CTNNA2: variants seen among roughly 807,000 people sequenced by gnomAD.
CTNNA2 encodes the protein catenin alpha 2, also known as catenin alpha-2.
Under a neutral mutation model 101.0 loss-of-function variants are expected in CTNNA2, and 42 were observed. The observed-to-expected ratio is 0.42, with a 90% CI of 0.32 to 0.54. CTNNA2 has a LOEUF of 0.54. Among genes scored for constraint, CTNNA2 ranks in the 20% least tolerant of loss-of-function variants. The pLI, the probability that CTNNA2 is intolerant of heterozygous loss-of-function variation, is 0.14. For missense variants in CTNNA2, 871 were observed against 1,223.1 expected (o/e 0.71, Z 4.29); for synonymous variants, 450 against 456.4 (o/e 0.99, Z 0.18).
chr2:79,746,294 A>G (rs1446532639), intron 3 of CTNNA2, among the ~76,000 whole-genome samples: 1 of 152,180 alleles, frequency 6.6e-6, no homozygotes, highest in Non-Finnish European at 1.5e-5. Flanking sequence ...TTCTTTATAT[A>G]GTCTGGATAT....
intron 8 of CTNNA2, among the ~76,000 whole-genome samples, chr2:80,404,707 C>CTT (rs1292355544): frequency 1.3e-5 from 2 of 152,180 alleles, no homozygotes; most frequent in African/African-American, 4.8e-5. Flanking sequence ...ATGGGTCTTC[C>CTT]CAGGGCAAGA....
chr2:80,594,106 C>G (rs1395009596), intron 15 of CTNNA2, among the ~76,000 whole-genome samples: 1 of 152,244 alleles, frequency 6.6e-6, no homozygotes, highest in East Asian at 1.9e-4. Context: ...CACAAGTGTT[C>G]AAATTTTTCC....
intron 9 of CTNNA2, among the ~76,000 whole-genome samples, chr2:80,446,870 A>T (rs1683116909): frequency 6.6e-6 from 1 of 152,124 alleles, no homozygotes; most frequent in South Asian, 2.1e-4. Context: ...AAATTTTTTC[A>T]GCAGAAAATA....
At chr2:79,562,766 C>T (rs1674858034) in intron 1 of CTNNA2, among the ~76,000 whole-genome samples, 1 of 151,958 alleles carries the variant, frequency 6.6e-6, no homozygotes, top group African/African-American at 2.4e-5. Flanking sequence ...GAAACTTGCT[C>T]TGTTGAACAG....
rs187415071 is a variant in CTNNA2, at chr2:80,560,664, C to T, written c.1741+4771C>T. ...GCTGCTCCCTCTGTCCTCCCTGCAA[C>T]GTTCTTCATCTCCTCCTCCTCCTGC... On this transcript the variant is annotated intron_variant, in intron 12 of 18. Transcript: ENST00000402739. Among the ~76,000 whole-genome samples, 361 of 152,284 alleles carry T rather than the reference C, an allele frequency of 2.4e-3. 1 individual carries two copies. Among genetic ancestry groups the T allele is most frequent in the African/African-American group, 8.0e-3 (332 of 41,558 alleles).
chr2:80,635,500 TTA>T (rs1672777982), intron 18 of CTNNA2, among the ~76,000 whole-genome samples: 1 of 152,206 alleles, frequency 6.6e-6, no homozygotes, highest in Non-Finnish European at 1.5e-5. Flanking sequence ...ATGTAGTGAA[TTA>T]TTTTATATAG....
chr2:80,570,409 A>C (rs1441340154), intron 12 of CTNNA2, among the ~76,000 whole-genome samples: 2 of 152,218 alleles, frequency 1.3e-5, no homozygotes, highest in Non-Finnish European at 2.9e-5. Flanking sequence ...CAATGTGGAG[A>C]GCAGAGGTAT....
chr2:80,027,527 T>C (rs955290540), intron 7 of CTNNA2, among the ~76,000 whole-genome samples: 6 of 152,102 alleles, frequency 3.9e-5, no homozygotes, highest in Admixed American at 3.9e-4. Context: ...AAAGACGAAG[T>C]GAGGAGATTA....
intron 7 of CTNNA2, among the ~76,000 whole-genome samples, chr2:79,948,747 T>A (rs1688672481): frequency 6.6e-6 from 1 of 152,106 alleles, no homozygotes; most frequent in African/African-American, 2.4e-5. Flanking sequence ...GGCGGGCGGA[T>A]CACGAGGCCA....
In CTNNA2 at chr2:80,259,179, G is replaced by A. The variant is rs1046293335; in HGVS notation, c.1057-134032G>A. The stretch of plus-strand genomic sequence containing the variant: ...CGGTTCAACAGTGTCTAGATACTGG[G>A]TAGCTGCTATGAGTAGCATTATGTA... On this transcript the variant is annotated intron_variant, in intron 7 of 18. Transcript: ENST00000402739. Among the ~76,000 whole-genome samples the A allele has an allele frequency of 3.3e-5, 5 of 152,110 alleles. No individual in the cohort carries two copies. The East Asian group carries it at 9.7e-4, about 29-fold the overall frequency.
At chr2:80,641,639 A>G (rs1239667699) in intron 18 of CTNNA2, among the ~76,000 whole-genome samples, 2 of 152,132 alleles carry the variant, frequency 1.3e-5, no homozygotes, top group African/African-American at 2.4e-5. Context: ...TTTTATTTCT[A>G]TCTTACCTCA....
chr2:79,290,312 G>C (rs898695165), intron 2 of CTNNA2, among the ~76,000 whole-genome samples: 2 of 152,150 alleles, frequency 1.3e-5, no homozygotes, highest in Non-Finnish European at 2.9e-5. Context: ...GAAGCCCCTG[G>C]AGCAACTGCC....
At position 79,717,829 on chromosome 2, in the gene CTNNA2, G is replaced by A. The variant is rs143089844; in HGVS notation, c.103-26558G>A. Among the ~76,000 whole-genome samples the A allele has an allele frequency of 1.7e-3, 261 of 152,310 alleles. 2 individuals are homozygous for A. The highest frequency in any genetic ancestry group is 5.7e-3 in the African/African-American group (238 of 41,574). On this transcript the variant is annotated intron_variant, in intron 2 of 18. Coordinates refer to ENST00000402739, the MANE Select transcript of CTNNA2 (RefSeq NM_001282597.3). Reference sequence around the variant, plus strand: ...ATGGGACATAGTTGTGTCAAAGCATGGAGAGAGTGAATGCTGCTTCATGGA... The same window carrying A: ...ATGGGACATAGTTGTGTCAAAGCATAGAGAGAGTGAATGCTGCTTCATGGA...
intron 7 of CTNNA2, among the ~76,000 whole-genome samples, chr2:80,267,722 G>A (rs1673119762): frequency 6.6e-6 from 1 of 152,220 alleles, no homozygotes; most frequent in East Asian, 1.9e-4. Flanking sequence ...GACATCTGTA[G>A]AATGAATACA....
chr2:80,071,198 AGTT>A (rs1234016353), intron 7 of CTNNA2, among the ~76,000 whole-genome samples: 1 of 152,154 alleles, frequency 6.6e-6, no homozygotes, highest in African/African-American at 2.4e-5. Context: ...GCTGTATTCT[AGTT>A]GTTATTATAT....
chr2:80,420,639 C>T (rs978996394), intron 9 of CTNNA2, among the ~76,000 whole-genome samples: 29 of 151,932 alleles, frequency 1.9e-4, no homozygotes, highest in Non-Finnish European at 3.5e-4. Flanking sequence ...CTCTGCTTTT[C>T]CTGGAGTGGG....
At chr2:80,181,174 G>C (rs1023181735) in intron 7 of CTNNA2, among the ~76,000 whole-genome samples, 5 of 152,300 alleles carry the variant, frequency 3.3e-5, no homozygotes, top group South Asian at 4.1e-4. Flanking sequence ...CAGGTTTGGG[G>C]TGGGTCCTAA....
intron 7 of CTNNA2, among the ~76,000 whole-genome samples, chr2:79,950,726 A>G (rs2104492275): frequency 6.6e-6 from 1 of 152,360 alleles, no homozygotes; most frequent in Admixed American, 6.5e-5. Context: ...ATAGTGTAGC[A>G]GGCACTCGGG....
intron 3 of CTNNA2, among the ~76,000 whole-genome samples, chr2:79,829,442 C>T (rs991242611): frequency 6.7e-6 from 1 of 149,808 alleles, no homozygotes; most frequent in Admixed American, 6.7e-5. Context: ...AGATGGCGGG[C>T]GCCTGTAGTC....
Sources: allele counts gnomAD v4.1 joint callset (sites outside exome capture counted in the v4.1 genomes callset), GRCh38; gene constraint gnomAD v4.1.1; transcripts MANE v1.5; gene names NCBI Gene and HGNC (gene_info 2026-07-23, HGNC 2026-07-21).